TNNI3K: variants seen among roughly 807,000 people sequenced by gnomAD.
TNNI3K encodes the protein serine/threonine-protein kinase TNNI3K.
Under a neutral mutation model 114.5 loss-of-function variants are expected in TNNI3K, and 140 were observed. The observed-to-expected ratio is 1.22, with a 90% CI of 1.07 to 1.41. The LOEUF (loss-of-function observed/expected upper bound fraction) is 1.41, where lower values mean the gene tolerates loss of function less well. Among genes scored for constraint, TNNI3K ranks in the 40% most tolerant of loss-of-function variants. The pLI, the probability that TNNI3K is intolerant of heterozygous loss-of-function variation, is 0.00. For missense variants in TNNI3K, 1,125 were observed against 1,007.6 expected (o/e 1.12, Z -1.58); for synonymous variants, 347 against 347.5 (o/e 1.00, Z 0.02).
intron 17 of TNNI3K, among the ~76,000 whole-genome samples, chr1:74,428,908 A>G (rs1270538799): frequency 1.3e-5 from 2 of 152,044 alleles, no homozygotes; most frequent in Non-Finnish European, 2.9e-5. Flanking sequence ...GCACTCCAGC[A>G]CTCCAGCCTG....
At chr1:74,502,956 CT>C (rs1669710074) in intron 23 of TNNI3K, among the ~76,000 whole-genome samples, 1 of 152,162 alleles carries the variant, frequency 6.6e-6, no homozygotes, top group African/African-American at 2.4e-5. Context: ...GAACTTCTTC[CT>C]TCTAGGAACT....
intron 5 of TNNI3K, among the ~76,000 whole-genome samples, chr1:74,325,739 A>G (rs1290864547): frequency 2.6e-5 from 4 of 152,108 alleles, no homozygotes; most frequent in Non-Finnish European, 5.9e-5. Flanking sequence ...AAAATTGTCT[A>G]CGAAGTTTAG....
At chr1:74,470,715 T>G (rs1218427877) in intron 21 of TNNI3K, 1 of 400,606 alleles carries the variant, frequency 2.5e-6, no homozygotes, top group African/African-American at 2.1e-5. Context: ...TCATTAATGT[T>G]TTTTCTTTAT....
chr1:74,451,662 C>CTT (rs1278128991), intron 20 of TNNI3K, among the ~76,000 whole-genome samples: 1 of 44,182 alleles, frequency 2.3e-5, no homozygotes, highest in East Asian at 9.0e-4. Context: ...TTTCTTTTTT[C>CTT]TTTTCTTTTC....
At chr1:74,250,358 CT>C in intron 3 of TNNI3K, among the ~76,000 whole-genome samples, 1 of 152,144 alleles carries the variant, frequency 6.6e-6, no homozygotes, top group South Asian at 2.1e-4. Context: ...TTAATTTAAG[CT>C]TTTTCACTAA....
intron 17 of TNNI3K, among the ~76,000 whole-genome samples, chr1:74,385,677 C>T (rs1324717457): frequency 6.6e-6 from 1 of 152,168 alleles, no homozygotes; most frequent in Non-Finnish European, 1.5e-5. Flanking sequence ...CTGAGGTCAA[C>T]ATAGCTGTCT....
At chr1:74,272,333 A>G (rs1333137529) in intron 5 of TNNI3K, among the ~76,000 whole-genome samples, 2 of 151,960 alleles carry the variant, frequency 1.3e-5, no homozygotes, top group Non-Finnish European at 2.9e-5. Context: ...AGTAGTGAGT[A>G]CCATAAAAAT....
chr1:74,535,478 CA>C (rs1285368193), intron 23 of TNNI3K, among the ~76,000 whole-genome samples: 1 of 151,822 alleles, frequency 6.6e-6, no homozygotes, highest in East Asian at 1.9e-4. Flanking sequence ...TCAAATCAAA[CA>C]AACAAAAAAA....
chr1:74,405,556 C>G (rs1470093530), intron 17 of TNNI3K, among the ~76,000 whole-genome samples: 1 of 151,960 alleles, frequency 6.6e-6, no homozygotes, highest in Non-Finnish European at 1.5e-5. Context: ...AAACTGTTTA[C>G]AAAATAGCAC....
chr1:74,263,751 T>C (rs1388442182), intron 4 of TNNI3K, among the ~76,000 whole-genome samples: 2 of 152,002 alleles, frequency 1.3e-5, no homozygotes, highest in Non-Finnish European at 2.9e-5. Flanking sequence ...GGAAGGTTTC[T>C]GAAACAGCAT....
chr1:74,411,960 T>A lies in TNNI3K; in HGVS notation c.1773-24120T>A, dbSNP rs1557550359. ...ATTAAGAAATATAAAATAAAATAGT[T>A]TACATATTGTTCAATACATAGTTCA... is the stretch of plus-strand genomic sequence containing the variant. On this transcript the variant is annotated intron_variant, in intron 17 of 24. Coordinates refer to ENST00000326637, the MANE Select transcript of TNNI3K (RefSeq NM_015978.3). 8.6e-3 allele frequency among the ~76,000 whole-genome samples: 1,306 copies of A among 152,252 alleles called. 16 individuals are homozygous for A. The highest frequency in any genetic ancestry group is 0.03 in the African/African-American group (1,233 of 41,542).
intron 17 of TNNI3K, chr1:74,416,329 G>T: frequency 1.0e-6 from 1 of 985,368 alleles, no homozygotes; most frequent in Non-Finnish European, 1.2e-6. Context: ...AGGGACCTTA[G>T]TGACGGGCTA....
At chr1:74,466,278 C>A (rs1468950700) in intron 21 of TNNI3K, among the ~76,000 whole-genome samples, 2 of 152,160 alleles carry the variant, frequency 1.3e-5, no homozygotes, top group African/African-American at 2.4e-5. Flanking sequence ...AAATAACAAT[C>A]AAGGGAATCC....
At chr1:74,239,456 A>T (rs1433202744) in intron 2 of TNNI3K, among the ~76,000 whole-genome samples, 2 of 152,098 alleles carry the variant, frequency 1.3e-5, no homozygotes, top group African/African-American at 4.8e-5. Context: ...GAATCTCATT[A>T]CTCACCCTTA....
chr1:74,457,846 A>G (rs946142248), intron 20 of TNNI3K, among the ~76,000 whole-genome samples: 1 of 152,162 alleles, frequency 6.6e-6, no homozygotes, highest in African/African-American at 2.4e-5. Flanking sequence ...CTGCATAGTC[A>G]TATTGCATTA....
chr1:74,470,283 C>T, intron 21 of TNNI3K: 1 of 400,652 alleles, frequency 2.5e-6, no homozygotes, highest in African/African-American at 2.0e-5. Context: ...CCCAAGTTTG[C>T]TGCCTTTCTT....
chr1:74,466,396 G>C (rs1421256867), intron 21 of TNNI3K, among the ~76,000 whole-genome samples: 3 of 151,992 alleles, frequency 2.0e-5, no homozygotes, highest in Admixed American at 6.6e-5. Flanking sequence ...GCATTTTTTG[G>C]GTAGGATGGA....
rs879394896 is a variant in TNNI3K at position 74,256,914 on chromosome 1, T to C, written c.333+6145T>C. Among the ~76,000 whole-genome samples, 9 of 152,140 alleles carry C rather than the reference T, an allele frequency of 5.9e-5. No individual in the cohort carries two copies. The South Asian group carries it at 6.2e-4, about 10-fold the overall frequency. On this transcript the variant is annotated intron_variant, in intron 4 of 24. Transcript: ENST00000326637. ...AGTTTGATTATAATAATCCTACATA[T>C]GGTTTTCTGTATTTAAAACTCTTTG...
chr1:74,413,683 C>T (rs111619505), intron 17 of TNNI3K, among the ~76,000 whole-genome samples: 4 of 152,062 alleles, frequency 2.6e-5, no homozygotes, highest in Non-Finnish European at 4.4e-5. Context: ...ATACAAGCGC[C>T]GAAAATTTAC....
Sources: allele counts gnomAD v4.1 joint callset (sites outside exome capture counted in the v4.1 genomes callset), GRCh38; gene constraint gnomAD v4.1.1; transcripts MANE v1.5; gene names NCBI Gene and HGNC (gene_info 2026-07-23, HGNC 2026-07-21).